The following DOCK1 variants were observed in gnomAD, a reference collection of about 807,000 sequenced individuals.
DOCK1 encodes the protein dedicator of cytokinesis 1, also known as dedicator of cytokinesis protein 1.
In DOCK1, 138 loss-of-function variants were observed where a neutral mutation model predicts 262.7. The observed-to-expected ratio is 0.53, with a 90% confidence interval of 0.46 to 0.61. The LOEUF is 0.61. Ranked by LOEUF, DOCK1 falls within the 20% of genes least tolerant of loss-of-function variation. The probability of loss-of-function intolerance (pLI) is 0.00; values close to 1 mark genes in which losing one functional copy is unlikely to be tolerated. For missense variants in DOCK1, 1,908 were observed against 2,370.7 expected (o/e 0.80, Z 4.05); for synonymous variants, 866 against 867.4 (o/e 1.00, Z 0.03).
chr10:127,025,084 C>T (rs996811345), intron 15 of DOCK1: 2 of 207,450 alleles, frequency 9.6e-6, no homozygotes, highest in Non-Finnish European at 2.0e-5. Context: ...GCTGTCTTTA[C>T]ACCAAACAAA....
chr10:127,090,419 C>T (rs578153472), intron 23 of DOCK1, among the ~76,000 whole-genome samples: 141 of 151,230 alleles, frequency 9.3e-4, no homozygotes, highest in Admixed American at 2.2e-3. Context: ...AAAGGTCACC[C>T]GGTGACTATT....
chr10:127,172,096 C>CT (rs544335696), intron 27 of DOCK1, among the ~76,000 whole-genome samples: 15 of 152,070 alleles, frequency 9.9e-5, no homozygotes, highest in Non-Finnish European at 1.9e-4. Context: ...TTCCTGTTTT[C>CT]TTTTTTTGTT....
intron 25 of DOCK1, among the ~76,000 whole-genome samples, chr10:127,115,187 A>T (rs1252366532): frequency 1.3e-5 from 2 of 152,132 alleles, no homozygotes; most frequent in Non-Finnish European, 2.9e-5. Flanking sequence ...TCCTAAGAAG[A>T]GGTTGTGCAG....
chr10:126,974,679 C>T (rs992897002), intron 2 of DOCK1, among the ~76,000 whole-genome samples: 1 of 152,156 alleles, frequency 6.6e-6, no homozygotes, highest in African/African-American at 2.4e-5. Flanking sequence ...GACATCCTCT[C>T]TCCTTCATGC....
In DOCK1 at chr10:126,970,791, T is replaced by A; in HGVS notation, c.130+6T>A. Reference sequence around the variant, plus strand: ...CATCTTAGAAACATATGAAGGTGCGTATGCATCTTGGTATCTTTTCTCTTA... The same window carrying A: ...CATCTTAGAAACATATGAAGGTGCGAATGCATCTTGGTATCTTTTCTCTTA... On this transcript the variant is annotated splice_donor_region_variant and intron_variant, in intron 2 of 51. Coordinates refer to ENST00000623213, the MANE Select transcript of DOCK1 (RefSeq NM_001290223.2). 1 of 1,611,180 alleles carries A rather than the reference T, an allele frequency of 6.2e-7. No homozygotes were observed. The highest frequency in any genetic ancestry group is 8.5e-7 in the Non-Finnish European group (1 of 1,177,972).
intron 38 of DOCK1, among the ~76,000 whole-genome samples, chr10:127,397,484 A>T (rs2066957255): frequency 6.7e-6 from 1 of 148,224 alleles, no homozygotes; most frequent in Admixed American, 6.7e-5. Context: ...AGCATGAGTT[A>T]CACGGGCAGC....
intron 32 of DOCK1, among the ~76,000 whole-genome samples, chr10:127,357,053 C>T (rs1488735407): frequency 6.6e-6 from 1 of 152,096 alleles, no homozygotes; most frequent in African/African-American, 2.4e-5. Flanking sequence ...ATGCTTCCTT[C>T]TCCCCGTACA....
At chr10:127,241,857 C>T (rs1050958376) in intron 27 of DOCK1, among the ~76,000 whole-genome samples, 1 of 152,098 alleles carries the variant, frequency 6.6e-6, no homozygotes, top group Non-Finnish European at 1.5e-5. Flanking sequence ...GTCCTCTCCC[C>T]AGGAGTGAGT....
chr10:127,409,499 C>A, intron 42 of DOCK1, 108 bp downstream of exon 42: 1 of 1,175,924 alleles, frequency 8.5e-7, no homozygotes, highest in Non-Finnish European at 1.2e-6. Context: ...CATGGATTCG[C>A]TTTCCAAATG....
intron 48 of DOCK1, among the ~76,000 whole-genome samples, chr10:127,434,781 T>C (rs1314626856): frequency 6.6e-6 from 1 of 152,082 alleles, no homozygotes; most frequent in African/African-American, 2.4e-5. Context: ...GCCTCCCAAG[T>C]AGCTGGGCCT....
At chr10:126,924,055 C>G (rs2033463300) in intron 1 of DOCK1, among the ~76,000 whole-genome samples, 1 of 152,070 alleles carries the variant, frequency 6.6e-6, no homozygotes, top group Admixed American at 6.5e-5. Flanking sequence ...GAGGTAGATA[C>G]CATGTGTAGA....
intron 10 of DOCK1, chr10:127,007,481 A>C (rs973606850): frequency 6.6e-6 from 1 of 152,224 alleles, no homozygotes; most frequent in African/African-American, 2.4e-5. Context: ...TAAACAAGGC[A>C]TCTTCCTCTC....
intron 1 of DOCK1, among the ~76,000 whole-genome samples, chr10:126,952,561 G>A (rs1013381084): frequency 2.2e-5 from 3 of 137,660 alleles, no homozygotes; most frequent in Non-Finnish European, 3.2e-5. Flanking sequence ...AGTATTGGTG[G>A]TAGTGTTGTT....
intron 1 of DOCK1, among the ~76,000 whole-genome samples, chr10:126,958,938 G>T (rs956910806): frequency 0.016 from 2,486 of 152,332 alleles, 72 homozygotes; most frequent in African/African-American, 0.055. Flanking sequence ...GGCGGTCGGG[G>T]TGCAGCTTGA....
chr10:127,419,820 A>G, intron 46 of DOCK1, 71 bp downstream of exon 46: 6 of 1,482,088 alleles, frequency 4.0e-6, no homozygotes, highest in Non-Finnish European at 5.5e-6. Context: ...CTCAGCACAC[A>G]CACCAGCCAG....
intron 27 of DOCK1, among the ~76,000 whole-genome samples, chr10:127,168,230 C>T (rs1486215105): frequency 3.3e-5 from 5 of 152,170 alleles, no homozygotes; most frequent in Non-Finnish European, 7.3e-5. Flanking sequence ...GCATGGGAGG[C>T]TGACCTCAGC....
At chr10:127,242,364 T>C (rs2134709384) in intron 27 of DOCK1, among the ~76,000 whole-genome samples, 1 of 152,334 alleles carries the variant, frequency 6.6e-6, no homozygotes, top group Middle Eastern at 3.4e-3. Flanking sequence ...TTTTTCTCTT[T>C]CATATTTTCT....
intron 29 of DOCK1, among the ~76,000 whole-genome samples, chr10:127,299,767 A>G (rs944466314): frequency 3.3e-5 from 5 of 152,148 alleles, no homozygotes; most frequent in African/African-American, 9.7e-5. Context: ...TCCTAGACCT[A>G]CGTACTTTGG....
At chr10:127,275,219 A>G (rs997925107) in intron 29 of DOCK1, among the ~76,000 whole-genome samples, 7 of 152,132 alleles carry the variant, frequency 4.6e-5, no homozygotes, top group African/African-American at 1.7e-4. Flanking sequence ...ATAAGTCAGC[A>G]AAGGAGACCA....
Sources: allele counts gnomAD v4.1 joint callset (sites outside exome capture counted in the v4.1 genomes callset), GRCh38; gene constraint gnomAD v4.1.1; transcripts MANE v1.5; gene names NCBI Gene and HGNC (gene_info 2026-07-23, HGNC 2026-07-21).